B4GALT5: variants seen among roughly 807,000 people sequenced by gnomAD.
B4GALT5 encodes the protein beta-1,4-galactosyltransferase 5.
B4GALT5 carries 11 observed loss-of-function variants against 45.0 expected under a neutral mutation model. The ratio of observed to expected loss-of-function variants is 0.24; its 90% CI spans 0.15 to 0.40. The LOEUF (loss-of-function observed/expected upper bound fraction) is 0.40. Ranked by LOEUF, B4GALT5 falls within the 10% of genes least tolerant of loss-of-function variation. The probability of loss-of-function intolerance (pLI) is 1.00; values close to 1 mark genes in which losing one functional copy is unlikely to be tolerated. For missense variants in B4GALT5, 337 were observed against 500.2 expected, an observed-to-expected ratio of 0.67 and a Z score of 3.11; for synonymous variants, 185 against 182.9, an observed-to-expected ratio of 1.01 and a Z score of -0.09.
At chr20:49,660,881 C>T (rs1045937256) in intron 1 of B4GALT5, among the ~76,000 whole-genome samples, 2 of 152,192 alleles carry the variant, frequency 1.3e-5, no homozygotes, top group Admixed American at 1.3e-4. Flanking sequence ...GTCCCAGCCA[C>T]TCACTCAGAT....
chr20:49,661,101 T>C (rs1210106970), intron 1 of B4GALT5, among the ~76,000 whole-genome samples: 3 of 152,232 alleles, frequency 2.0e-5, no homozygotes, highest in African/African-American at 7.2e-5. Context: ...GTAGATATCA[T>C]CTTGAGTGTT....
intron 4 of B4GALT5, 105 bp from the exon 5 acceptor site, chr20:49,642,689 G>A: frequency 2.7e-6 from 2 of 746,984 alleles, no homozygotes; most frequent in Non-Finnish European, 4.6e-6. Flanking sequence ...AGTTCTGGGA[G>A]GCTGGCTATC....
intron 1 of B4GALT5, among the ~76,000 whole-genome samples, chr20:49,665,089 C>T (rs1201262117): frequency 1.3e-5 from 2 of 152,162 alleles, no homozygotes; most frequent in Non-Finnish European, 2.9e-5. Context: ...TGGCCACTTA[C>T]TCTCCAGGAG....
chr20:49,659,473 A>G (rs6067169), intron 1 of B4GALT5, among the ~76,000 whole-genome samples: 71,044 of 152,068 alleles, frequency 0.47, 17,597 homozygotes, highest in South Asian at 0.65. Context: ...GACTTAATTC[A>G]CTAACAACTG....
intron 1 of B4GALT5, among the ~76,000 whole-genome samples, chr20:49,678,744 T>C (rs1310037643): frequency 6.6e-6 from 1 of 152,112 alleles, no homozygotes; most frequent in African/African-American, 2.4e-5. Flanking sequence ...AAGTAGGTAT[T>C]AGTACTCTCA....
At chr20:49,693,527 C>A (rs1376300871) in intron 1 of B4GALT5, among the ~76,000 whole-genome samples, 1 of 152,196 alleles carries the variant, frequency 6.6e-6, no homozygotes, top group Non-Finnish European at 1.5e-5. Context: ...CAACACAACA[C>A]AGTATCTCTA....
chr20:49,692,339 T>A (rs1600552640), intron 1 of B4GALT5, among the ~76,000 whole-genome samples: 1 of 149,070 alleles, frequency 6.7e-6, no homozygotes, highest in Non-Finnish European at 1.5e-5. Flanking sequence ...TGGTGGCGCG[T>A]GCCTGTAGTC....
In B4GALT5 at chr20:49,656,433, T is replaced by G. The variant is rs1601253064; in HGVS notation, c.250+135A>C. 30 of 1,131,318 alleles carry G rather than the reference T, an allele frequency of 2.7e-5. No homozygotes were observed. The East Asian group carries it at 7.1e-4, about 27-fold the overall frequency. 70.1% of individuals were successfully genotyped at this position (1,131,318 alleles called of 1,614,324 possible). On this transcript the variant is annotated intron_variant, in intron 2 of 8. Transcript: ENST00000371711. The stretch of plus-strand genomic sequence containing the variant: ...GAGGATTCATTTGGCAAGAGCTTTT[T>G]TAGCAGTAAAGTAAAACTCAGCCAA...
intron 1 of B4GALT5, among the ~76,000 whole-genome samples, chr20:49,698,513 A>C (rs868826614): frequency 3.3e-5 from 5 of 152,178 alleles, no homozygotes; most frequent in South Asian, 2.1e-4. Context: ...AATACTTTAA[A>C]CCAGAATGAA....
intron 1 of B4GALT5, among the ~76,000 whole-genome samples, chr20:49,701,845 C>CA (rs34970418): frequency 0.029 from 4,470 of 152,124 alleles, 96 homozygotes; most frequent in Non-Finnish European, 0.043. Flanking sequence ...GAAGCCAAGA[C>CA]AGGTGGATCA....
intron 1 of B4GALT5, among the ~76,000 whole-genome samples, chr20:49,663,690 A>AAAAAAAAAAAAAAAAT (rs1555812124): frequency 1.0e-5 from 1 of 96,960 alleles, no homozygotes; most frequent in African/African-American, 4.5e-5. Flanking sequence ...AAAAAAAAAA[A>AAAAAAAAAAAAAAAAT]ATATATACAT....
At chr20:49,681,990 G>A (rs754541442) in intron 1 of B4GALT5, among the ~76,000 whole-genome samples, 11 of 152,206 alleles carry the variant, frequency 7.2e-5, no homozygotes, top group Non-Finnish European at 1.5e-4. Context: ...CAGGTCCTTG[G>A]GAGGCTAAAG....
Position 49,640,465 on chromosome 20 carries a change from A to C in B4GALT5, c.794+13T>G, listed in dbSNP as rs572673723. 28 of 1,556,510 alleles carry C rather than the reference A, an allele frequency of 1.8e-5. No individual in the cohort carries two copies. The highest frequency in any genetic ancestry group is 2.4e-5 in the Non-Finnish European group (28 of 1,154,850). On this transcript the variant is annotated intron_variant, in intron 6 of 8. Transcript: ENST00000371711. ...AGATTTAACCTCTTTAATTAAGAAG[A>C]AATGATACTCACAGATACATATACT...
In B4GALT5 at chr20:49,634,440, T is replaced by C. The variant is rs957214644; in HGVS notation, c.*1872A>G. On this transcript the variant is annotated 3_prime_UTR_variant, in exon 9 of 9. Coordinates refer to ENST00000371711, the MANE Select transcript of B4GALT5 (RefSeq NM_004776.4). ...CATCACAATATATAAATATGTTTTA[T>C]GGAAAACAAGGGCGGGGGAGGAAAA... 30 of 152,286 alleles carry C rather than the reference T, an allele frequency of 2.0e-4. No individual in the cohort carries two copies. The highest frequency in any genetic ancestry group is 5.9e-5 in the Non-Finnish European group (4 of 68,032). 9.4% of individuals were successfully genotyped at this position (152,286 alleles called of 1,614,324 possible).
chr20:49,650,114 T>A (rs1336052219), intron 2 of B4GALT5, among the ~76,000 whole-genome samples: 1 of 152,146 alleles, frequency 6.6e-6, no homozygotes, highest in Non-Finnish European at 1.5e-5. Flanking sequence ...TCTTTGAAGA[T>A]AGATAAATTC....
chr20:49,636,538 T>C lies in B4GALT5; in HGVS notation c.1020-79A>G, dbSNP rs2085554755. On this transcript the variant is annotated intron_variant, in intron 8 of 8. Transcript: ENST00000371711. ...TGCAGCCAGAGGATGGAGCAGGGCG[T>C]CCCACAGCAGAGGACGCAACCCATG... 2.6e-6 allele frequency: 4 copies of C among 1,523,350 alleles called. No homozygotes were observed. The African/African-American group carries it at 4.1e-5, about 16-fold the overall frequency. 94.4% of individuals were successfully genotyped at this position (1,523,350 alleles called of 1,614,324 possible). A position where few individuals can be genotyped will look rare whatever the true frequency, so the allele number is the denominator to read the frequency against.
At chr20:49,652,820 C>A (rs1006532828) in intron 2 of B4GALT5, among the ~76,000 whole-genome samples, 1 of 152,178 alleles carries the variant, frequency 6.6e-6, no homozygotes, top group African/African-American at 2.4e-5. Flanking sequence ...AATGCAGATG[C>A]CTGAATGTGG....
chr20:49,657,283 C>A (rs1476113945), intron 1 of B4GALT5, among the ~76,000 whole-genome samples: 2 of 152,176 alleles, frequency 1.3e-5, no homozygotes, highest in African/African-American at 2.4e-5. Flanking sequence ...CCTCACTATC[C>A]ACCCATCCCA....
At chr20:49,642,626 A>C in intron 4 of B4GALT5, 42 bp from the exon 5 acceptor site, 65 of 1,388,246 alleles carry the variant, frequency 4.7e-5, no homozygotes, top group South Asian at 5.9e-5. Flanking sequence ...TAGGACTCTC[A>C]GCTTTCACTC....
Sources: allele counts gnomAD v4.1 joint callset (sites outside exome capture counted in the v4.1 genomes callset), GRCh38; gene constraint gnomAD v4.1.1; transcripts MANE v1.5; gene names NCBI Gene and HGNC (gene_info 2026-07-23, HGNC 2026-07-21).